The following VEPH1 variants were observed in gnomAD, a reference collection of about 807,000 sequenced individuals.
VEPH1 encodes the protein ventricular zone expressed PH domain containing 1, also known as ventricular zone-expressed PH domain-containing protein homolog 1.
A neutral mutation model predicts 85.2 loss-of-function variants in VEPH1; 80 were observed. The observed-to-expected ratio is 0.94, with a 90% CI of 0.78 to 1.13. VEPH1 has a LOEUF of 1.13. Among genes scored for constraint, VEPH1 ranks in the 50% most tolerant of loss-of-function variants. The pLI, the probability that VEPH1 is intolerant of heterozygous loss-of-function variation, is 0.00. For synonymous variants in VEPH1, 297 were observed against 348.0 expected (o/e 0.85, Z 1.63); for missense variants, 955 against 980.5 (o/e 0.97, Z 0.35).
chr3:157,311,171 T>C (rs1720070702), intron 11 of VEPH1, among the ~76,000 whole-genome samples: 1 of 152,228 alleles, frequency 6.6e-6, no homozygotes, highest in Non-Finnish European at 1.5e-5. Flanking sequence ...TTAATAGATA[T>C]CTCACTGATA....
intron 2 of VEPH1, among the ~76,000 whole-genome samples, chr3:157,478,075 T>C (rs1737658807): frequency 6.6e-6 from 1 of 152,146 alleles, no homozygotes; most frequent in South Asian, 2.1e-4. Flanking sequence ...CAGCTGTTGG[T>C]TTGTAGCCAA....
chr3:157,347,796 ATCC>A (rs1372370090), intron 9 of VEPH1, among the ~76,000 whole-genome samples: 1 of 152,180 alleles, frequency 6.6e-6, no homozygotes. Context: ...CTACTGGAGA[ATCC>A]TACAGTCCTC....
chr3:157,452,334 G>A (rs1735037607), intron 4 of VEPH1, among the ~76,000 whole-genome samples: 1 of 152,182 alleles, frequency 6.6e-6, no homozygotes, highest in African/African-American at 2.4e-5. Flanking sequence ...AAGGGAAGGA[G>A]TGGTGAGATA....
intron 9 of VEPH1, among the ~76,000 whole-genome samples, chr3:157,342,629 G>A (rs1200864012): frequency 6.6e-6 from 1 of 152,168 alleles, no homozygotes; most frequent in Non-Finnish European, 1.5e-5. Context: ...GAGACAGAAA[G>A]TTAACAAGGA....
intron 2 of VEPH1, among the ~76,000 whole-genome samples, chr3:157,480,100 T>C (rs897032674): frequency 2.3e-5 from 3 of 127,848 alleles, no homozygotes; most frequent in South Asian, 4.9e-4. Context: ...CTCTCTCTCT[T>C]TCTTTCTAAT....
In VEPH1 at chr3:157,275,592, A is replaced by AAT. The variant is rs1325734198; in HGVS notation, c.2129-9932_2129-9931dup. On this transcript the variant is annotated intron_variant, in intron 12 of 13. Coordinates refer to ENST00000362010, the MANE Select transcript of VEPH1 (RefSeq NM_001167912.2). ...TCCATTTCAAAAAAAACCAACAAAA[A>AAT]ATATATATATATAATGATTGACATG... 3.0e-4 allele frequency among the ~76,000 whole-genome samples: 46 copies of AAT among 151,906 alleles called. No homozygotes were observed. In the South Asian group the frequency reaches 7.7e-3, roughly 25 times the overall value.
At chr3:157,466,585 G>C (rs1736398639) in intron 3 of VEPH1, among the ~76,000 whole-genome samples, 1 of 152,218 alleles carries the variant, frequency 6.6e-6, no homozygotes, top group South Asian at 2.1e-4. Flanking sequence ...CCGAGCAGGA[G>C]GTGTTGTTAT....
chr3:157,369,786 T>C (rs911378139), intron 7 of VEPH1, among the ~76,000 whole-genome samples: 1 of 152,212 alleles, frequency 6.6e-6, no homozygotes, highest in Non-Finnish European at 1.5e-5. Flanking sequence ...AACAAAGTTT[T>C]TGAACAAAAA....
At chr3:157,459,962 C>A (rs1027162809) in intron 4 of VEPH1, 2 of 1,537,416 alleles carry the variant, frequency 1.3e-6, no homozygotes, top group Non-Finnish European at 1.7e-6. Flanking sequence ...GCTTACAATT[C>A]TTTTAATGAG....
intron 2 of VEPH1, among the ~76,000 whole-genome samples, chr3:157,488,356 G>A (rs573155421): frequency 1.6e-4 from 24 of 152,186 alleles, no homozygotes; most frequent in African/African-American, 5.3e-4. Flanking sequence ...TGACCTTCAT[G>A]TGTCTGAACC....
At chr3:157,333,703 G>A (rs1170175939) in intron 9 of VEPH1, among the ~76,000 whole-genome samples, 1 of 152,176 alleles carries the variant, frequency 6.6e-6, no homozygotes, top group Non-Finnish European at 1.5e-5. Flanking sequence ...AATAAGGCAG[G>A]CAAGCCGTGA....
intron 12 of VEPH1, among the ~76,000 whole-genome samples, chr3:157,281,633 G>T (rs1716140574): frequency 6.6e-6 from 1 of 151,912 alleles, no homozygotes; most frequent in Non-Finnish European, 1.5e-5. Context: ...CAACTCCCTG[G>T]TTCAAGCGAT....
chr3:157,495,389 A>C lies in VEPH1; in HGVS notation c.-40T>G, dbSNP rs1482606494. Reference sequence around the variant, plus strand: ...TGATCAGTTGACTTTCTACAGACCCAGAGTCATGTGTTCCAGTTATCAGAG... The same window carrying C: ...TGATCAGTTGACTTTCTACAGACCCCGAGTCATGTGTTCCAGTTATCAGAG... On this transcript the variant is annotated 5_prime_UTR_variant, in exon 2 of 14. Coordinates refer to ENST00000362010, the MANE Select transcript of VEPH1 (RefSeq NM_001167912.2). 6.2e-7 allele frequency: 1 copy of C among 1,607,830 alleles called. No individual in the cohort carries two copies. The highest frequency in any genetic ancestry group is 8.5e-7 in the Non-Finnish European group (1 of 1,177,140).
intron 7 of VEPH1, among the ~76,000 whole-genome samples, chr3:157,374,868 T>G (rs1223672383): frequency 6.6e-6 from 1 of 152,230 alleles, no homozygotes; most frequent in Non-Finnish European, 1.5e-5. Flanking sequence ...TTGACATTCC[T>G]TTAATATTCT....
chr3:157,442,258 C>A, intron 4 of VEPH1: 5 of 1,045,960 alleles, frequency 4.8e-6, no homozygotes, highest in South Asian at 1.8e-5. Flanking sequence ...TTTCACATAG[C>A]TTTCAATTGT....
intron 3 of VEPH1, among the ~76,000 whole-genome samples, chr3:157,464,408 C>G (rs951555548): frequency 6.6e-6 from 1 of 152,130 alleles, no homozygotes; most frequent in Non-Finnish European, 1.5e-5. Flanking sequence ...CAGAGAAAGC[C>G]CTATGATTAC....
chr3:157,401,096 A>G (rs573677344), intron 6 of VEPH1, among the ~76,000 whole-genome samples: 21 of 152,200 alleles, frequency 1.4e-4, no homozygotes, highest in Non-Finnish European at 2.5e-4. Flanking sequence ...TAGAGAACTC[A>G]AAGAAACAGC....
At chr3:157,302,849 A>G (rs1278784728) in intron 11 of VEPH1, among the ~76,000 whole-genome samples, 1 of 152,140 alleles carries the variant, frequency 6.6e-6, no homozygotes, top group African/African-American at 2.4e-5. Context: ...CACTGGCTCC[A>G]CCAATGCTGT....
intron 6 of VEPH1, among the ~76,000 whole-genome samples, chr3:157,404,439 G>A (rs1277061251): frequency 6.6e-6 from 1 of 152,204 alleles, no homozygotes; most frequent in South Asian, 2.1e-4. Context: ...GCTTGGGAAA[G>A]TCCTAGAAAT....
Sources: allele counts gnomAD v4.1 joint callset (sites outside exome capture counted in the v4.1 genomes callset), GRCh38; gene constraint gnomAD v4.1.1; transcripts MANE v1.5; gene names NCBI Gene and HGNC (gene_info 2026-07-23, HGNC 2026-07-21).